The following EPC2 variants were observed in gnomAD, a reference collection of about 807,000 sequenced individuals.
The protein encoded by EPC2 is enhancer of polycomb 2, also known as enhancer of polycomb homolog 2.
A neutral mutation model predicts 92.1 loss-of-function variants in EPC2; 14 were observed. That is an observed-to-expected ratio of 0.15 (90% CI 0.10 to 0.24). The LOEUF (loss-of-function observed/expected upper bound fraction) is 0.24. Among genes scored for constraint, EPC2 ranks in the 10% least tolerant of loss-of-function variants. The pLI is 1.00. For missense variants in EPC2, 755 were observed against 971.5 expected (o/e 0.78, Z 2.96); for synonymous variants, 340 against 334.7 (o/e 1.02, Z -0.17).
chr2:148,702,694 A>G (rs1681914208), intron 2 of EPC2, among the ~76,000 whole-genome samples: 1 of 152,244 alleles, frequency 6.6e-6, no homozygotes, highest in Non-Finnish European at 1.5e-5. Context: ...AATGACTTGT[A>G]TAAGGGACCA....
At chr2:148,758,196 A>G (rs1231260747) in intron 4 of EPC2, among the ~76,000 whole-genome samples, 1 of 152,184 alleles carries the variant, frequency 6.6e-6, no homozygotes, top group African/African-American at 2.4e-5. Flanking sequence ...ATGAATAGAC[A>G]GCATTTCCTT....
At chr2:148,676,127 G>GTT (rs11340588) in intron 1 of EPC2, among the ~76,000 whole-genome samples, 52 of 146,466 alleles carry the variant, frequency 3.6e-4, no homozygotes, top group Admixed American at 2.0e-3. Context: ...GAATTACTTA[G>GTT]TTTTTTTTTT....
Position 148,774,531 on chromosome 2 carries a change from CTT to C in EPC2, c.1720+3145_1720+3146del, listed in dbSNP as rs1223463809. On this transcript the variant is annotated intron_variant, in intron 10 of 13. Transcript: ENST00000258484. ...AGTCCCAGCTGAGGGAGGAGGATCT[CTT>C]GAGCTCAGGAAGTAGAGGCTGCAGT... Among the ~76,000 whole-genome samples the C allele has an allele frequency of 2.0e-5, 3 of 151,154 alleles. No individual in the cohort carries two copies. In the Middle Eastern group the frequency reaches 0.01, roughly 521 times the overall value.
At chr2:148,749,550 G>A (rs1240744828) in intron 3 of EPC2, among the ~76,000 whole-genome samples, 1 of 151,130 alleles carries the variant, frequency 6.6e-6, no homozygotes, top group Non-Finnish European at 1.5e-5. Context: ...TGCTTTGGAT[G>A]GGGCAGACCA....
At chr2:148,662,465 C>G (rs1680957466) in intron 1 of EPC2, among the ~76,000 whole-genome samples, 1 of 152,176 alleles carries the variant, frequency 6.6e-6, no homozygotes, top group Non-Finnish European at 1.5e-5. Flanking sequence ...GGCACATATA[C>G]ACCATGGAAT....
intron 9 of EPC2, 24 bp downstream of exon 9, chr2:148,770,961 T>G (rs754635475): frequency 5.6e-6 from 9 of 1,602,862 alleles, no homozygotes; most frequent in Non-Finnish European, 6.8e-6. Context: ...TTTCACCTGG[T>G]TTTTGTTTGC....
At chr2:148,678,564 C>G (rs1235362538) in intron 1 of EPC2, among the ~76,000 whole-genome samples, 1 of 152,260 alleles carries the variant, frequency 6.6e-6, no homozygotes, top group Non-Finnish European at 1.5e-5. Flanking sequence ...GCAGCTAAGG[C>G]CCTGCGAGAA....
Position 148,784,804 on chromosome 2 carries a change from G to C in EPC2, c.2154G>C (p.Gln718His). Residue 718 changes from glutamine (Q) to histidine (H), a missense_variant, in exon 13 of 14, where the codon CAG (glutamine) becomes CAC (histidine). By Grantham distance (24) the Gln-to-His change is conservative. Around this residue, in one of 4 missense-constraint regions of EPC2, gnomAD observed 207 missense variants for 260.5 expected, o/e 0.79. Transcript: ENST00000258484. ...LIPALCTSSP[Q>H]TLPMNNSCLT... is the part of the protein sequence containing the mutation. Reference sequence around the variant, plus strand: ...CAGCATTGTGCACAAGCAGTCCTCAGACACTTCCCATGAACAATTCCTGCC... The same window carrying C: ...CAGCATTGTGCACAAGCAGTCCTCACACACTTCCCATGAACAATTCCTGCC... 6.2e-7 allele frequency: 1 copy of C among 1,613,974 alleles called. No individual in the cohort carries two copies. The highest frequency in any genetic ancestry group is 1.3e-5 in the African/African-American group (1 of 75,034).
chr2:148,690,406 A>G (rs750447513), intron 2 of EPC2, 33 bp downstream of exon 2: 6 of 1,537,272 alleles, frequency 3.9e-6, no homozygotes, highest in African/African-American at 2.8e-5. Context: ...TTCTGTTTGT[A>G]CTTTAAATTT....
chr2:148,728,351 A>G (rs1682539648), intron 2 of EPC2, among the ~76,000 whole-genome samples: 1 of 150,584 alleles, frequency 6.6e-6, no homozygotes, highest in Non-Finnish European at 1.5e-5. Flanking sequence ...AAATTATCCT[A>G]TATTAATATG....
chr2:148,752,774 T>C (rs1683104826), intron 3 of EPC2, among the ~76,000 whole-genome samples: 1 of 152,202 alleles, frequency 6.6e-6, no homozygotes, highest in Admixed American at 6.5e-5. Flanking sequence ...GTGCATTTAT[T>C]CCATGAAGTT....
chr2:148,785,511 A>G (rs1011533591), intron 13 of EPC2, among the ~76,000 whole-genome samples: 6 of 152,298 alleles, frequency 3.9e-5, no homozygotes, highest in African/African-American at 1.2e-4. Context: ...TATTTTTAGT[A>G]GAGACGGGGT....
chr2:148,708,494 T>C (rs572532937), intron 2 of EPC2, among the ~76,000 whole-genome samples: 3 of 152,352 alleles, frequency 2.0e-5, no homozygotes, highest in Non-Finnish European at 2.9e-5. Flanking sequence ...ACTCATTTTA[T>C]GAGGCCAGCA....
At chr2:148,687,584 AT>A (rs1259079488) in intron 1 of EPC2, among the ~76,000 whole-genome samples, 2 of 152,070 alleles carry the variant, frequency 1.3e-5, no homozygotes, top group African/African-American at 4.8e-5. Context: ...TGCTTTCTTG[AT>A]TTAACTTATT....
intron 11 of EPC2, among the ~76,000 whole-genome samples, chr2:148,783,070 T>A (rs2105441909): frequency 6.6e-6 from 1 of 152,332 alleles, no homozygotes; most frequent in South Asian, 2.1e-4. Flanking sequence ...GATCTGGGAC[T>A]TGCTCAAGGA....
In EPC2 at chr2:148,786,434, T is replaced by C; in HGVS notation, c.*57T>C. ...GGTGTGCAGTCATTCATATTCCAGC[T>C]GAATGCAAAAGGCAACACTCTGTGG... On this transcript the variant is annotated 3_prime_UTR_variant, in exon 14 of 14. Transcript: ENST00000258484. 2 of 1,419,182 alleles carry C rather than the reference T, an allele frequency of 1.4e-6. No homozygotes were observed. The highest frequency in any genetic ancestry group is 2.0e-6 in the Non-Finnish European group (2 of 1,019,752). The allele number at this position is 1,419,182 out of a possible 1,614,324, so 87.9% of individuals were successfully genotyped here. A position where few individuals can be genotyped will look rare whatever the true frequency, so the allele number is the denominator to read the frequency against.
intron 8 of EPC2, 99 bp from the exon 9 acceptor site, chr2:148,770,693 C>A: frequency 1.6e-6 from 2 of 1,232,610 alleles, no homozygotes; most frequent in Non-Finnish European, 2.2e-6. Flanking sequence ...AATTGTTCTG[C>A]TAATGTTGCA....
Position 148,771,160 on chromosome 2 carries a change from C to G in EPC2, c.1493C>G (p.Ser498Cys). ...SQTIDFSSNF[S>C]RTNASSKHCE... is the part of the protein sequence containing the mutation. ...ACTATAGACTTTTCTTCTAATTTCT[C>G]TCGGACCAATGCTTCCAGTAAACAT... is the stretch of plus-strand genomic sequence containing the variant. The change falls in exon 10 of 14, where the codon TCT becomes TGT. Residue 498 changes from serine (S) to cysteine (C), a missense_variant. Coordinates refer to ENST00000258484, the MANE Select transcript of EPC2 (RefSeq NM_015630.4). The G allele has an allele frequency of 6.2e-7, 1 of 1,613,964 alleles. No homozygotes were observed. The highest frequency in any genetic ancestry group is 8.5e-7 in the Non-Finnish European group (1 of 1,179,854).
At chr2:148,739,253 T>A (rs1682827565) in intron 2 of EPC2, among the ~76,000 whole-genome samples, 1 of 152,238 alleles carries the variant, frequency 6.6e-6, no homozygotes, top group South Asian at 2.1e-4. Context: ...ATATTCATAT[T>A]CATAACAGTA....
Sources: gnomAD v4.1 joint callset for allele counts (sites outside exome capture counted in the v4.1 genomes callset) on GRCh38, gnomAD v4.1.1 for gene constraint, gnomAD v4.1.1 regional missense constraint, MANE v1.5 for transcripts, NCBI Gene and HGNC (gene_info 2026-07-23, HGNC 2026-07-21) for gene names.